QDPR: variants seen among roughly 807,000 people sequenced by gnomAD.
QDPR encodes quinoid dihydropteridine reductase.
In QDPR, 23 loss-of-function variants were observed where a neutral mutation model predicts 31.7. The observed-to-expected ratio is 0.73, with a 90% CI of 0.52 to 1.03. The LOEUF (loss-of-function observed/expected upper bound fraction) is 1.03. Ranked by LOEUF, QDPR falls within the 50% of genes least tolerant of loss-of-function variation. The probability of loss-of-function intolerance (pLI) is 0.00; values close to 1 mark genes in which losing one functional copy is unlikely to be tolerated. For missense variants in QDPR, 324 were observed against 323.8 expected (o/e 1.00, Z 0.00); for synonymous variants, 124 against 124.7 (o/e 0.99, Z 0.03).
chr4:17,496,996 G>A (rs980464029), intron 4 of QDPR, among the ~76,000 whole-genome samples: 8 of 152,072 alleles, frequency 5.3e-5, no homozygotes, highest in African/African-American at 1.7e-4. Flanking sequence ...TGAACCACCC[G>A]CTGTGGCCTC....
intron 4 of QDPR, among the ~76,000 whole-genome samples, chr4:17,495,228 A>C (rs886682171): frequency 2.6e-5 from 4 of 152,170 alleles, no homozygotes; most frequent in African/African-American, 9.7e-5. Context: ...TAACACCATC[A>C]AACCAACCTG....
intron 3 of QDPR, among the ~76,000 whole-genome samples, chr4:17,503,821 GGCACCTGTA>G (rs1180216343): frequency 1.3e-5 from 2 of 151,998 alleles, no homozygotes; most frequent in Admixed American, 1.3e-4. Context: ...CTTGGTGGTG[GGCACCTGTA>G]ATATCAGCTA....
chr4:17,487,860 T>A (rs373625565), intron 6 of QDPR, among the ~76,000 whole-genome samples: 2 of 152,226 alleles, frequency 1.3e-5, no homozygotes, highest in East Asian at 3.9e-4. Flanking sequence ...AGGCCCCCAG[T>A]GAGTTCAGTG....
intron 1 of QDPR, among the ~76,000 whole-genome samples, chr4:17,511,418 A>C (rs187121564): frequency 6.6e-6 from 1 of 152,350 alleles, no homozygotes; most frequent in East Asian, 1.9e-4. Context: ...TAATAGTAAC[A>C]TTAATAGACA....
intron 3 of QDPR, among the ~76,000 whole-genome samples, chr4:17,502,152 C>G (rs964774158): frequency 6.6e-6 from 1 of 152,096 alleles, no homozygotes; most frequent in Non-Finnish European, 1.5e-5. Flanking sequence ...GGCTTTAATT[C>G]AAAGATTGTT....
At chr4:17,507,339 TCA>T in intron 2 of QDPR, among the ~76,000 whole-genome samples, 1 of 152,168 alleles carries the variant, frequency 6.6e-6, no homozygotes, top group East Asian at 1.9e-4. Context: ...ATAAGGCGCT[TCA>T]CATAGTGATG....
chr4:17,487,664 A>G (rs911263108), intron 6 of QDPR, among the ~76,000 whole-genome samples: 6 of 148,296 alleles, frequency 4.0e-5, no homozygotes, highest in African/African-American at 1.5e-4. Context: ...ATAAATAAAT[A>G]AATAAAAGCC....
Position 17,501,782 on chromosome 4 carries a change from G to C in QDPR, c.373C>G (p.His125Asp). The C allele has an allele frequency of 1.2e-6, 2 of 1,614,184 alleles. No individual in the cohort carries two copies. Among genetic ancestry groups the C allele is most frequent in the Non-Finnish European group, 1.7e-6 (2 of 1,180,028 alleles). The change falls in exon 4 of 7, where the codon CAT (histidine) becomes GAT (aspartate). Residue 125 changes from histidine (H) to aspartate (D), a missense_variant. Coordinates refer to ENST00000281243, the MANE Select transcript of QDPR (RefSeq NM_000320.3). ...GTCAGGAGGCCTCCTTCCTTGAGATGCTTGGTAGCCAGATGGCTGGAGATG... is the reference window on the plus strand; with the variant it reads ...GTCAGGAGGCCTCCTTCCTTGAGATCCTTGGTAGCCAGATGGCTGGAGATG... ...STISSHLATK[H>D]LKEGGLLTLA...
chr4:17,495,727 G>A (rs1338206453), intron 4 of QDPR, among the ~76,000 whole-genome samples: 1 of 152,162 alleles, frequency 6.6e-6, no homozygotes, highest in Non-Finnish European at 1.5e-5. Context: ...TACTTTATTT[G>A]GCCAGGTGAG....
chr4:17,489,942 T>A (rs368484603), intron 6 of QDPR: 1 of 159,582 alleles, frequency 6.3e-6, no homozygotes, highest in African/African-American at 2.4e-5. Flanking sequence ...TGGGCAGGGA[T>A]CCCATCTTTG....
At position 17,492,273 on chromosome 4, in the gene QDPR, G is replaced by A. The variant is rs767223209; in HGVS notation, c.504C>T (p.Asn168=). 1.9e-6 allele frequency: 3 copies of A among 1,614,174 alleles called. No homozygotes were observed. The highest frequency in any genetic ancestry group is 1.7e-5 in the Admixed American group (1 of 60,022). Residue 168 remains asparagine (N), a synonymous_variant, in exon 5 of 7, where the codon AAC becomes AAT. Coordinates refer to ENST00000281243, the MANE Select transcript of QDPR (RefSeq NM_000320.3). ...CGGCTGCCCCGGGCGGCATGCCGCT[G>A]TTCTTCCCAGCCAGGCTCTGGCAGA... ...HQLCQSLAGK[N]SGMPPGAAAI...
chr4:17,495,449 T>C (rs1560309800), intron 4 of QDPR, among the ~76,000 whole-genome samples: 1 of 152,212 alleles, frequency 6.6e-6, no homozygotes, highest in African/African-American at 2.4e-5. Flanking sequence ...ACCCAGAATC[T>C]GGACTTCGAG....
intron 2 of QDPR, among the ~76,000 whole-genome samples, chr4:17,505,510 G>A (rs1025911806): frequency 5.3e-5 from 8 of 152,172 alleles, no homozygotes; most frequent in African/African-American, 1.9e-4. Flanking sequence ...GCCTCTCAGA[G>A]TGCTGGGACA....
chr4:17,490,375 G>T lies in QDPR; in HGVS notation c.629+287C>A, dbSNP rs1718115314. The T allele has an allele frequency of 1.5e-5, 6 of 407,158 alleles. No homozygotes were observed. In the East Asian group the frequency reaches 3.3e-4, roughly 22 times the overall value. 25.2% of individuals were successfully genotyped at this position (407,158 alleles called of 1,614,324 possible). On this transcript the variant is annotated intron_variant, in intron 6 of 6. Coordinates refer to ENST00000281243, the MANE Select transcript of QDPR (RefSeq NM_000320.3). ...ATGATGGACCTCATGATACAGGTGG[G>T]GAAACTGAGGCCTCAGCAGGTCAAT...
chr4:17,511,912 C>T (rs751696337), intron 1 of QDPR, 38 bp downstream of exon 1: 2 of 1,595,642 alleles, frequency 1.3e-6, no homozygotes, highest in East Asian at 2.3e-5. Flanking sequence ...CCCCGGCCAC[C>T]CCCGCGGAGA....
intron 4 of QDPR, among the ~76,000 whole-genome samples, chr4:17,493,692 C>T (rs962005393): frequency 3.3e-5 from 5 of 152,150 alleles, no homozygotes; most frequent in Admixed American, 1.3e-4. Flanking sequence ...GCTCCAGCCA[C>T]GCCACCCTCC....
rs1718137165 is a variant in QDPR at position 17,490,808 on chromosome 4, C to T, written c.546-63G>A. On this transcript the variant is annotated intron_variant, in intron 5 of 6. Transcript: ENST00000281243. ...TCCTTTCTAACAACAGGTGCCCAGT[C>T]CCCCTTGGCCAGGAAAACGCAAACA... 1.1e-5 allele frequency: 15 copies of T among 1,378,152 alleles called. 1 individual carries two copies. In the South Asian group the frequency reaches 1.7e-4, roughly 15 times the overall value. 85.4% of individuals were successfully genotyped at this position (1,378,152 alleles called of 1,614,324 possible).
At chr4:17,499,983 C>T (rs958481949) in intron 4 of QDPR, among the ~76,000 whole-genome samples, 1 of 151,676 alleles carries the variant, frequency 6.6e-6, no homozygotes, top group Non-Finnish European at 1.5e-5. Flanking sequence ...GCTCCCCCCA[C>T]CTTTTTTTTT....
chr4:17,496,608 A>G (rs2108990227), intron 4 of QDPR, among the ~76,000 whole-genome samples: 1 of 152,114 alleles, frequency 6.6e-6, no homozygotes, highest in Non-Finnish European at 1.5e-5. Flanking sequence ...GGCATGGAAA[A>G]GCCTCTATCG....
Sources: gnomAD v4.1 joint callset for allele counts (sites outside exome capture counted in the v4.1 genomes callset) on GRCh38, gnomAD v4.1.1 for gene constraint, MANE v1.5 for transcripts, NCBI Gene and HGNC (gene_info 2026-07-23, HGNC 2026-07-21) for gene names.